The following MGMT variants were observed in gnomAD, a reference collection of about 807,000 sequenced individuals.
The protein encoded by MGMT is O-6-methylguanine-DNA methyltransferase.
A neutral mutation model predicts 15.9 loss-of-function variants in MGMT; 14 were observed. The observed-to-expected ratio is 0.88, with a 90% confidence interval of 0.58 to 1.37. The LOEUF (loss-of-function observed/expected upper bound fraction) is 1.37, where lower values mean the gene tolerates loss of function less well. Ranked by LOEUF, MGMT falls within the 40% of genes most tolerant of loss-of-function variation. The probability of loss-of-function intolerance (pLI) is 0.00; values close to 1 mark genes in which losing one functional copy is unlikely to be tolerated. For missense variants in MGMT, 282 were observed against 268.1 expected (o/e 1.05, Z -0.36); for synonymous variants, 130 against 118.2 (o/e 1.10, Z -0.65).
At chr10:129,524,574 C>T (rs1589849670) in intron 1 of MGMT, among the ~76,000 whole-genome samples, 1 of 134,188 alleles carries the variant, frequency 7.5e-6, no homozygotes, top group Non-Finnish European at 1.6e-5. Context: ...AAGAAGCTTC[C>T]AAAAAGACTT....
chr10:129,571,465 T>C (rs1407358054), intron 2 of MGMT, among the ~76,000 whole-genome samples: 1 of 152,218 alleles, frequency 6.6e-6, no homozygotes, highest in African/African-American at 2.4e-5. Flanking sequence ...GTTTACAACG[T>C]ATGGCTGCTG....
At position 129,529,737 on chromosome 10, in the gene MGMT, A is replaced by G. The variant is rs80020223; in HGVS notation, c.-12-6504A>G. Among the ~76,000 whole-genome samples, 948 of 152,318 alleles carry G rather than the reference A, an allele frequency of 6.2e-3. 6 individuals carry two copies. Among genetic ancestry groups the G allele is most frequent in the African/African-American group, 0.022 (905 of 41,552 alleles). The stretch of plus-strand genomic sequence containing the variant: ...TTAACCATCATTTGTTTTGCATATA[A>G]GACATGGTGAGATCACAATAAGTGG... On this transcript the variant is annotated intron_variant, in intron 1 of 4. Transcript: ENST00000651593.
intron 1 of MGMT, among the ~76,000 whole-genome samples, chr10:129,489,700 C>T (rs1051986380): frequency 1.1e-4 from 16 of 152,090 alleles, no homozygotes; most frequent in African/African-American, 2.7e-4. Flanking sequence ...AAATACTCCC[C>T]GTGTCCTTAT....
intron 3 of MGMT, among the ~76,000 whole-genome samples, chr10:129,739,620 A>G (rs1003462602): frequency 1.3e-5 from 2 of 151,884 alleles, no homozygotes; most frequent in Non-Finnish European, 2.9e-5. Flanking sequence ...GAACCAGGTC[A>G]GAACTCCCCT....
At position 129,707,971 on chromosome 10, in the gene MGMT, G is replaced by A. The variant is rs780512062; in HGVS notation, c.202G>A (p.Ala68Thr). The A allele has an allele frequency of 5.6e-6, 9 of 1,613,548 alleles. No homozygotes were observed. The East Asian group carries it at 1.6e-4, about 28-fold the overall frequency. The change falls in exon 3 of 5, where the codon GCC becomes ACC. Residue 68 changes from alanine to threonine, a missense_variant. Ala to Thr is a moderately conservative substitution (Grantham distance 58). Coordinates refer to ENST00000651593, the MANE Select transcript of MGMT (RefSeq NM_002412.5). ...PLMQCTAWLN[A>T]YFHQPEAIEE... ...GATGCAGTGCACAGCCTGGCTGAAT[G>A]CCTATTTCCACCAGCCCGAGGCTAT...
chr10:129,604,767 C>T (rs1285671973), intron 2 of MGMT, among the ~76,000 whole-genome samples: 1 of 144,184 alleles, frequency 6.9e-6, no homozygotes, highest in Non-Finnish European at 1.5e-5. Context: ...AGGCTGTGAC[C>T]TCAAGGCCTT....
At chr10:129,671,332 T>C (rs1365030265) in intron 2 of MGMT, among the ~76,000 whole-genome samples, 2 of 152,312 alleles carry the variant, frequency 1.3e-5, no homozygotes, top group East Asian at 3.9e-4. Flanking sequence ...GTAGGAATAT[T>C]TACACAGCAG....
chr10:129,520,042 G>T (rs61862592), intron 1 of MGMT, among the ~76,000 whole-genome samples: 1 of 152,100 alleles, frequency 6.6e-6, no homozygotes, highest in Non-Finnish European at 1.5e-5. Context: ...TCCAGAAAAC[G>T]TTTGTGACAG....
chr10:129,486,866 T>C (rs905312225), intron 1 of MGMT, among the ~76,000 whole-genome samples: 2 of 152,096 alleles, frequency 1.3e-5, no homozygotes, highest in African/African-American at 4.8e-5. Context: ...AGAAGAAGAG[T>C]GTATTCTTTC....
In MGMT at chr10:129,526,973, G is replaced by A. The variant is rs183013857; in HGVS notation, c.-12-9268G>A. 4.9e-3 allele frequency among the ~76,000 whole-genome samples: 747 copies of A among 152,330 alleles called. 8 individuals are homozygous for A. Among genetic ancestry groups the A allele is most frequent in the Admixed American group, 0.034 (518 of 15,302 alleles). ...TTTCCAGAGGTCTCCAAATAGCCAT[G>A]AAAAATAAATTTTTTTCTGCCACCA... On this transcript the variant is annotated intron_variant, in intron 1 of 4. Transcript: ENST00000651593.
chr10:129,654,116 G>A (rs539408125), intron 2 of MGMT, among the ~76,000 whole-genome samples: 8 of 152,118 alleles, frequency 5.3e-5, no homozygotes, highest in Non-Finnish European at 7.4e-5. Flanking sequence ...TGGCTGCCTC[G>A]CCGACCCCCG....
At chr10:129,713,456 A>T (rs1251810054) in intron 3 of MGMT, among the ~76,000 whole-genome samples, 1 of 152,138 alleles carries the variant, frequency 6.6e-6, no homozygotes, top group African/African-American at 2.4e-5. Flanking sequence ...AGGTGAAAAG[A>T]AGAAGAACCC....
intron 2 of MGMT, among the ~76,000 whole-genome samples, chr10:129,538,661 A>G (rs1297592106): frequency 6.6e-6 from 1 of 151,568 alleles, no homozygotes; most frequent in Non-Finnish European, 1.5e-5. Flanking sequence ...TTTGAGATGG[A>G]GGCTTGCTCT....
intron 3 of MGMT, among the ~76,000 whole-genome samples, chr10:129,746,427 C>CTT (rs60875895): frequency 1.4e-4 from 20 of 142,098 alleles, no homozygotes; most frequent in African/African-American, 4.9e-4. Flanking sequence ...CATATAGTTT[C>CTT]TTTTTTTTTT....
intron 2 of MGMT, among the ~76,000 whole-genome samples, chr10:129,571,910 G>A (rs2133039719): frequency 6.6e-6 from 1 of 152,286 alleles, no homozygotes. Context: ...AATCGTTAGT[G>A]CGACAGCGGG....
intron 3 of MGMT, among the ~76,000 whole-genome samples, chr10:129,727,453 G>A (rs117095570): frequency 7.2e-5 from 11 of 152,202 alleles, no homozygotes; most frequent in African/African-American, 2.7e-4. Flanking sequence ...TGCTGAGCCC[G>A]ACCCTTCTGA....
chr10:129,759,824 C>A (rs527721205), intron 4 of MGMT, among the ~76,000 whole-genome samples: 36 of 152,252 alleles, frequency 2.4e-4, no homozygotes, highest in African/African-American at 8.2e-4. Context: ...CTGCACTCCC[C>A]CTGAGGCCCA....
chr10:129,682,493 G>A (rs1011381859), intron 2 of MGMT, among the ~76,000 whole-genome samples: 5 of 151,980 alleles, frequency 3.3e-5, no homozygotes, highest in Non-Finnish European at 5.9e-5. Flanking sequence ...AGATGACTTC[G>A]TAGGTGTAGC....
intron 2 of MGMT, among the ~76,000 whole-genome samples, chr10:129,587,748 C>G (rs1365928838): frequency 6.6e-6 from 1 of 151,998 alleles, no homozygotes; most frequent in Non-Finnish European, 1.5e-5. Context: ...TATTTTTCTA[C>G]TCACCTTTTT....
Sources: gnomAD v4.1 joint callset for allele counts (sites outside exome capture counted in the v4.1 genomes callset) on GRCh38, gnomAD v4.1.1 for gene constraint, MANE v1.5 for transcripts, NCBI Gene and HGNC (gene_info 2026-07-23, HGNC 2026-07-21) for gene names.